The following CHRNB3 variants were observed in gnomAD, a reference collection of about 807,000 sequenced individuals.
CHRNB3 encodes cholinergic receptor nicotinic beta 3 subunit, also known as neuronal acetylcholine receptor subunit beta-3.
CHRNB3 carries 37 observed loss-of-function variants against 40.6 expected under a neutral mutation model. The ratio of observed to expected loss-of-function variants is 0.91; its 90% CI spans 0.70 to 1.20. The LOEUF is 1.20. Ranked by LOEUF, CHRNB3 falls within the 50% of genes most tolerant of loss-of-function variation. The pLI, the probability that CHRNB3 is intolerant of heterozygous loss-of-function variation, is 0.00. For synonymous variants in CHRNB3, 207 were observed against 207.1 expected (o/e 1.00, Z 0.00); for missense variants, 505 against 551.2 (o/e 0.92, Z 0.84).
At position 42,710,371 on chromosome 8, in the gene CHRNB3, T is replaced by A. The variant is rs1261382955; in HGVS notation, c.205-19T>A. On this transcript the variant is annotated intron_variant, in intron 2 of 5. Transcript: ENST00000289957. ...TTTCACTTCAACTTACAGTATTTTT[T>A]AAATTTTCATTTTCTTAGGATGAAA... 4.4e-6 allele frequency: 7 copies of A among 1,578,984 alleles called. No individual in the cohort carries two copies. The highest frequency in any genetic ancestry group is 1.8e-5 in the Admixed American group (1 of 56,018).
At chr8:42,736,127 A>G (rs921311115) in intron 5 of CHRNB3, among the ~76,000 whole-genome samples, 2 of 152,108 alleles carry the variant, frequency 1.3e-5, no homozygotes, top group South Asian at 4.1e-4. Flanking sequence ...CAGGCCTCCC[A>G]AAGTGCTGGG....
At chr8:42,705,309 G>C (rs1369840337) in intron 1 of CHRNB3, among the ~76,000 whole-genome samples, 1 of 152,226 alleles carries the variant, frequency 6.6e-6, no homozygotes, top group Admixed American at 6.5e-5. Flanking sequence ...GTTGGGCAGG[G>C]AACTGGCAGT....
chr8:42,706,793 C>T (rs1323886535), intron 1 of CHRNB3, among the ~76,000 whole-genome samples: 2 of 152,220 alleles, frequency 1.3e-5, no homozygotes, highest in Middle Eastern at 3.4e-3. Flanking sequence ...CAGGGTCTTG[C>T]TCTGTCACCT....
intron 5 of CHRNB3, among the ~76,000 whole-genome samples, chr8:42,733,201 G>A (rs1465897038): frequency 2.0e-5 from 3 of 151,966 alleles, no homozygotes; most frequent in Admixed American, 1.3e-4. Flanking sequence ...GTGGGTGGGC[G>A]TGCTTGTCCT....
chr8:42,712,740 G>A (rs1816037483), intron 3 of CHRNB3, among the ~76,000 whole-genome samples: 2 of 152,148 alleles, frequency 1.3e-5, no homozygotes, highest in South Asian at 2.1e-4. Flanking sequence ...ATTCAAGTTT[G>A]CAGGGGAGAA....
intron 1 of CHRNB3, among the ~76,000 whole-genome samples, chr8:42,706,961 G>A (rs1815932365): frequency 1.3e-5 from 2 of 151,904 alleles, no homozygotes; most frequent in Admixed American, 1.3e-4. Context: ...GTCTTCCTAT[G>A]TTGCCTAGGC....
intron 3 of CHRNB3, among the ~76,000 whole-genome samples, chr8:42,717,129 T>G (rs1429228361): frequency 6.7e-6 from 1 of 149,170 alleles, no homozygotes; most frequent in Non-Finnish European, 1.5e-5. Flanking sequence ...ATCCCAGCAC[T>G]TTGGGAGGCC....
In CHRNB3 at chr8:42,732,249, C is replaced by A. The variant is rs1369837627; in HGVS notation, c.942C>A (p.Thr314=). Residue 314 remains threonine, a synonymous_variant, in exon 5 of 6, where the codon ACC becomes ACA. Coordinates refer to ENST00000289957, the MANE Select transcript of CHRNB3 (RefSeq NM_000749.5). ...MIFVTLSIIV[T]VFVINVHHRS... is the part of the protein sequence containing the mutation. ...TTGTGACCCTGTCCATCATTGTTAC[C>A]GTGTTTGTCATTAACGTTCACCACA... The A allele has an allele frequency of 2.5e-6, 4 of 1,611,842 alleles. No homozygotes were observed. The highest frequency in any genetic ancestry group is 2.2e-5 in the South Asian group (2 of 90,544).
chr8:42,729,127 G>T (rs1166356451), intron 3 of CHRNB3, among the ~76,000 whole-genome samples: 1 of 152,052 alleles, frequency 6.6e-6, no homozygotes, highest in Admixed American at 6.6e-5. Flanking sequence ...CATGCCATTG[G>T]CCGGGCACGG....
intron 3 of CHRNB3, among the ~76,000 whole-genome samples, chr8:42,713,320 G>A (rs979056719): frequency 4.6e-5 from 7 of 152,066 alleles, no homozygotes; most frequent in African/African-American, 1.7e-4. Flanking sequence ...CTCAGCTACA[G>A]CTTTGGAAAG....
Position 42,733,712 on chromosome 8 carries a change from C to T in CHRNB3, c.1242+1163C>T, listed in dbSNP as rs148224725. ...GGTTCAAGCGATTCTGCTGTCTCAG[C>T]CTCCCAAGTAGCTGGGACTACAGGT... On this transcript the variant is annotated intron_variant, in intron 5 of 5. Coordinates refer to ENST00000289957, the MANE Select transcript of CHRNB3 (RefSeq NM_000749.5). 2.3e-3 allele frequency among the ~76,000 whole-genome samples: 346 copies of T among 149,778 alleles called. 10 individuals are homozygous for T. The East Asian group carries it at 0.059, about 26-fold the overall frequency.
intron 3 of CHRNB3, among the ~76,000 whole-genome samples, chr8:42,718,628 G>C (rs1365062430): frequency 7.0e-6 from 1 of 143,370 alleles, no homozygotes; most frequent in African/African-American, 2.6e-5. Flanking sequence ...AGCCGAGATG[G>C]CGCCACTGCG....
intron 3 of CHRNB3, among the ~76,000 whole-genome samples, chr8:42,718,303 G>T (rs1014851711): frequency 5.3e-5 from 8 of 152,120 alleles, no homozygotes; most frequent in Non-Finnish European, 1.2e-4. Context: ...ATGTCCCAGA[G>T]ACTGCAAATC....
In CHRNB3 at chr8:42,697,479, C is replaced by T. The variant is rs950799287; in HGVS notation, c.-68C>T. On this transcript the variant is annotated 5_prime_UTR_variant, in exon 1 of 6. Transcript: ENST00000289957. ...AACCCCTGTATTTTCTTTTCAAAAC[C>T]CCCTTTTCCAGTGGAAATGCTCTGT... 1.7e-5 allele frequency: 24 copies of T among 1,391,620 alleles called. No individual in the cohort carries two copies. In the African/African-American group the frequency reaches 2.7e-4, roughly 16 times the overall value. 86.2% of individuals were successfully genotyped at this position (1,391,620 alleles called of 1,614,324 possible).
intron 3 of CHRNB3, among the ~76,000 whole-genome samples, chr8:42,710,729 G>A (rs79332918): frequency 0.011 from 1,684 of 152,226 alleles, 34 homozygotes; most frequent in African/African-American, 0.039. Flanking sequence ...CCACTTAGAG[G>A]AAACAACAAA....
chr8:42,700,955 G>A (rs1815782715), intron 1 of CHRNB3, among the ~76,000 whole-genome samples: 1 of 152,014 alleles, frequency 6.6e-6, no homozygotes, highest in African/African-American at 2.4e-5. Flanking sequence ...AGACTGGTCG[G>A]GTGTGGGGCT....
chr8:42,736,421 T>C (rs1421159611), intron 5 of CHRNB3, 63 bp from the exon 6 acceptor site: 2 of 1,566,198 alleles, frequency 1.3e-6, no homozygotes, highest in Non-Finnish European at 1.7e-6. Flanking sequence ...TTTAATCCCT[T>C]GAGATGAATA....
intron 3 of CHRNB3, among the ~76,000 whole-genome samples, chr8:42,717,879 A>G (rs546606984): frequency 0.027 from 3,446 of 126,292 alleles, 142 homozygotes; most frequent in African/African-American, 0.1. Flanking sequence ...AGGCTGGAGT[A>G]TGGAGTACAG....
chr8:42,708,735 C>G lies in CHRNB3; in HGVS notation c.71C>G (p.Ser24Ter). ...TTTACAGCCACCACAGGTTTCAACTCAATCGCCGAAAATGAAGATGCCCTC... is the reference window on the plus strand; with the variant it reads ...TTTACAGCCACCACAGGTTTCAACTGAATCGCCGAAAATGAAGATGCCCTC... ...IPSSATTGFN[S>*]IAENEDALLR... The change falls in exon 2 of 6, where the codon TCA becomes TGA. Residue 24 changes from serine (S) to a stop codon, truncating the protein, a stop_gained. Transcript: ENST00000289957. LOFTEE classifies it high-confidence loss of function. 1 of 1,614,000 alleles carries G rather than the reference C, an allele frequency of 6.2e-7. No homozygotes were observed. Among genetic ancestry groups the G allele is most frequent in the East Asian group, 2.2e-5 (1 of 44,878 alleles).
Sources: gnomAD v4.1 joint callset for allele counts (sites outside exome capture counted in the v4.1 genomes callset) on GRCh38, gnomAD v4.1.1 for gene constraint, MANE v1.5 for transcripts, NCBI Gene and HGNC (gene_info 2026-07-23, HGNC 2026-07-21) for gene names.